Variants in FLT4 observed in about 807,000 individuals in gnomAD.
FLT4 encodes the protein vascular endothelial growth factor receptor 3.
A neutral mutation model predicts 163.2 loss-of-function variants in FLT4; 30 were observed. The observed-to-expected ratio is 0.18, with a 90% confidence interval of 0.14 to 0.25. The LOEUF is 0.25. FLT4 is among the 10% of genes least tolerant of loss of function. The pLI, the probability that FLT4 is intolerant of heterozygous loss-of-function variation, is 1.00. For missense variants in FLT4, 1,510 were observed against 1,863.8 expected (o/e 0.81, Z 3.50); for synonymous variants, 884 against 789.5 (o/e 1.12, Z -2.01).
chr5:180,610,071 C>T, intron 27 of FLT4, 46 bp from the exon 28 acceptor site: 4 of 1,612,684 alleles, frequency 2.5e-6, no homozygotes, highest in South Asian at 2.2e-5. Flanking sequence ...CTGCAGCAAC[C>T]CTCCTCGAAC....
rs368660253 is a variant in FLT4 at position 180,603,059 on chromosome 5, T to C, written c.*133A>G. 721 of 872,472 alleles carry C rather than the reference T, an allele frequency of 8.3e-4. 3 individuals are homozygous for C. The Middle Eastern group carries it at 0.016, about 19-fold the overall frequency. The allele number at this position is 872,472 out of a possible 1,614,324, so 54.0% of individuals were successfully genotyped here. ...AGTCCTGCTCTTCCTAGCTGGGAAG[T>C]CTGCAGAGAGGGAAGAGGACACTCC... On this transcript the variant is annotated 3_prime_UTR_variant, in exon 30 of 30. Transcript: ENST00000261937.
At chr5:180,631,081 A>G (rs549016962) in intron 2 of FLT4, among the ~76,000 whole-genome samples, 24 of 152,160 alleles carry the variant, frequency 1.6e-4, no homozygotes, top group South Asian at 1.2e-3. Flanking sequence ...GGGTGCTCCC[A>G]GGGTGGCTGG....
rs987278109 is a variant in FLT4, at chr5:180,636,455, T to C, written c.59-4677A>G. On this transcript the variant is annotated intron_variant, in intron 1 of 29. Coordinates refer to ENST00000261937, the MANE Select transcript of FLT4 (RefSeq NM_182925.5). The surrounding 1 kb of genome is among the most constrained non-coding windows in gnomAD (Gnocchi z 4.3). ...CAGTCCCTCTGAGGGTCCTGCTCTT[T>C]GGCGGCACCGCCCTCTTCCCCATTA... Among the ~76,000 whole-genome samples the C allele has an allele frequency of 6.6e-6, 1 of 152,090 alleles. No individual in the cohort carries two copies. Among genetic ancestry groups the C allele is most frequent in the Non-Finnish European group, 1.5e-5 (1 of 68,008 alleles).
intron 1 of FLT4, among the ~76,000 whole-genome samples, chr5:180,643,799 G>A (rs1205689998): frequency 6.6e-6 from 1 of 151,704 alleles, no homozygotes; most frequent in East Asian, 1.9e-4. Flanking sequence ...TCTGTGGAGC[G>A]GCCGGCTCAT....
intron 26 of FLT4, among the ~76,000 whole-genome samples, chr5:180,611,889 G>C (rs1050025502): frequency 1.3e-5 from 2 of 152,200 alleles, no homozygotes; most frequent in South Asian, 4.1e-4. Context: ...GGCTCAGCCG[G>C]ATCATCCCTC....
Position 180,621,714 on chromosome 5 carries a change from G to T in FLT4, c.1848C>A (p.Phe616Leu), listed in dbSNP as rs34303265. ...LLLDCKNVHLFATPLAASLEE... is the reference protein window; with the variant it reads ...LLLDCKNVHLLATPLAASLEE... ...CCAGGCTGGCGGCCAGAGGGGTGGC[G>T]AACAGATGCACGTTCTTGCAGTCGA... The change falls in exon 13 of 30, where the codon TTC (phenylalanine) becomes TTA (leucine). Residue 616 changes from phenylalanine to leucine, a missense_variant. Phe to Leu is a conservative substitution (Grantham distance 22). Coordinates refer to ENST00000261937, the MANE Select transcript of FLT4 (RefSeq NM_182925.5). 6.2e-7 allele frequency: 1 copy of T among 1,612,884 alleles called. No individual in the cohort carries two copies. Among genetic ancestry groups the T allele is most frequent in the Non-Finnish European group, 8.5e-7 (1 of 1,179,932 alleles).
chr5:180,603,861 A>G (rs190589696), intron 29 of FLT4, among the ~76,000 whole-genome samples: 12,913 of 151,144 alleles, frequency 0.085, 775 homozygotes, highest in African/African-American at 0.16. Flanking sequence ...CTGAGATCGC[A>G]CCACTGCACT....
intron 27 of FLT4, 91 bp downstream of exon 27, chr5:180,611,240 T>G: frequency 7.0e-7 from 1 of 1,433,722 alleles, no homozygotes; most frequent in Non-Finnish European, 9.5e-7. Flanking sequence ...CGTCGCATGA[T>G]TTGCTTTTCC....
In FLT4 at chr5:180,624,055, C is replaced by G. The variant is rs1160824733; in HGVS notation, c.1428G>C (p.Arg476=). 6.2e-7 allele frequency: 1 copy of G among 1,612,112 alleles called. No homozygotes were observed. The highest frequency in any genetic ancestry group is 8.5e-7 in the Non-Finnish European group (1 of 1,179,960). ...GTGGCATGAGGTCTTGCTGCTGCCG[C>G]CGCCGGCTGCCAGGACCAGAAGAGG... is the stretch of plus-strand genomic sequence containing the variant. ...CKMFAQRSLR[R]RQQQDLMPQC... The change falls in exon 11 of 30, where the codon CGG becomes CGC. Residue 476 remains arginine (R), a synonymous_variant. Transcript: ENST00000261937.
intron 9 of FLT4, 32 bp from the exon 10 acceptor site, chr5:180,626,063 C>T: frequency 6.2e-7 from 1 of 1,612,740 alleles, no homozygotes; most frequent in Non-Finnish European, 8.5e-7. Flanking sequence ...GTCAGCTGGC[C>T]TCCAATGCCA....
chr5:180,619,444 G>T, intron 18 of FLT4, 78 bp from the exon 19 acceptor site: 1 of 1,039,260 alleles, frequency 9.6e-7, no homozygotes, highest in Non-Finnish European at 1.4e-6. Context: ...TTTTGGGAGG[G>T]GGAGGGTTAC....
chr5:180,604,125 C>T lies in FLT4; in HGVS notation c.3894-735G>A, dbSNP rs150256880. On this transcript the variant is annotated intron_variant, in intron 29 of 29. Coordinates refer to ENST00000261937, the MANE Select transcript of FLT4 (RefSeq NM_182925.5). ...CTTCAGAAAACACACACAGACTCGA[C>T]TCAAACAGCAAAGCGGATCGATCTG... is the stretch of plus-strand genomic sequence containing the variant. Among the ~76,000 whole-genome samples, 807 of 152,294 alleles carry T rather than the reference C, an allele frequency of 5.3e-3. 9 individuals carry two copies. The highest frequency in any genetic ancestry group is 0.019 in the African/African-American group (789 of 41,550).
At chr5:180,608,254 A>T (rs1375968802) in intron 29 of FLT4, 1 of 700,874 alleles carries the variant, frequency 1.4e-6, no homozygotes, top group South Asian at 1.5e-5. Context: ...ATGCTGACGT[A>T]TGCTGCCTTC....
chr5:180,609,545 A>C, intron 28 of FLT4: 1 of 366,988 alleles, frequency 2.7e-6, no homozygotes, highest in Non-Finnish European at 5.1e-6. Context: ...TGGAGGCAGG[A>C]ACCCAGGTCC....
At chr5:180,649,344 G>A (rs1165718118) in intron 1 of FLT4, 144 bp downstream of exon 1, 2 of 501,902 alleles carry the variant, frequency 4.0e-6, no homozygotes, top group African/African-American at 2.1e-5. Context: ...CAAGCGCCGT[G>A]CTCCCCTCAG....
At chr5:180,645,405 C>A (rs1308558143) in intron 1 of FLT4, among the ~76,000 whole-genome samples, 1 of 152,200 alleles carries the variant, frequency 6.6e-6, no homozygotes, top group East Asian at 1.9e-4. Context: ...GCTTGCTGGC[C>A]GGCAGGACGA....
intron 1 of FLT4, among the ~76,000 whole-genome samples, chr5:180,642,824 C>A (rs886818214): frequency 2.0e-5 from 3 of 152,212 alleles, no homozygotes; most frequent in Non-Finnish European, 4.4e-5. Context: ...AGCATCCATA[C>A]ACCGATGGCA....
chr5:180,626,762 GCTC>G (rs771329902), intron 8 of FLT4, among the ~76,000 whole-genome samples: 25 of 152,226 alleles, frequency 1.6e-4, no homozygotes, highest in Non-Finnish European at 3.2e-4. Context: ...GCACAGTCTA[GCTC>G]CTTGACATGT....
chr5:180,611,117 G>A (rs1307793275), intron 27 of FLT4, among the ~76,000 whole-genome samples: 1 of 152,234 alleles, frequency 6.6e-6, no homozygotes, highest in African/African-American at 2.4e-5. Context: ...ACACTGGTGG[G>A]TGGACAGGAC....
Sources: gnomAD v4.1 joint callset for allele counts (sites outside exome capture counted in the v4.1 genomes callset) on GRCh38, gnomAD v4.1.1 for gene constraint, Gnocchi (gnomAD v3.1) non-coding constraint, MANE v1.5 for transcripts, NCBI Gene and HGNC (gene_info 2026-07-23, HGNC 2026-07-21) for gene names.